Variants in AGMO observed in about 807,000 individuals in gnomAD.
The protein encoded by AGMO is glyceryl-ether monooxygenase.
A neutral mutation model predicts 60.2 loss-of-function variants in AGMO; 75 were observed. The observed-to-expected ratio is 1.25, with a 90% CI of 1.03 to 1.51. The LOEUF is 1.51. AGMO is among the 40% of genes most tolerant of loss of function. The probability of loss-of-function intolerance (pLI) is 0.00; values close to 1 mark genes in which losing one functional copy is unlikely to be tolerated. For synonymous variants in AGMO, 261 were observed against 177.1 expected, an observed-to-expected ratio of 1.47 and a Z score of -3.76; for missense variants, 763 against 525.5, an observed-to-expected ratio of 1.45 and a Z score of -4.42.
At chr7:15,237,193 T>C (rs2128501469) in intron 12 of AGMO, among the ~76,000 whole-genome samples, 1 of 152,228 alleles carries the variant, frequency 6.6e-6, no homozygotes, top group East Asian at 1.9e-4. Context: ...GGAAGCAGAT[T>C]CCAGAAGCAG....
intron 12 of AGMO, among the ~76,000 whole-genome samples, chr7:15,340,874 G>A (rs910130413): frequency 6.6e-6 from 1 of 152,132 alleles, no homozygotes; most frequent in African/African-American, 2.4e-5. Flanking sequence ...TGTGAGAAGA[G>A]GGCCACCGTT....
the AGMO span, among the ~76,000 whole-genome samples, chr7:15,194,715 T>C: frequency 1.3e-5 from 2 of 152,260 alleles, no homozygotes. Flanking sequence ...GAGTTATTAA[T>C]TTGGTGGGGA....
At chr7:15,393,797 A>C (rs1428369786) in intron 6 of AGMO, among the ~76,000 whole-genome samples, 1 of 152,180 alleles carries the variant, frequency 6.6e-6, no homozygotes, top group Non-Finnish European at 1.5e-5. Flanking sequence ...CCTTTGACAG[A>C]ATCCTTTAAA....
chr7:15,352,590 C>G (rs1482935602), intron 12 of AGMO, among the ~76,000 whole-genome samples: 1 of 151,730 alleles, frequency 6.6e-6, no homozygotes, highest in Non-Finnish European at 1.5e-5. Flanking sequence ...GGCAATTTTA[C>G]GGTCAATTGG....
In AGMO at chr7:15,410,401, A is replaced by T. The variant is rs147717977; in HGVS notation, c.609+8157T>A. 2.2e-4 allele frequency among the ~76,000 whole-genome samples: 33 copies of T among 151,916 alleles called. No individual in the cohort carries two copies. The East Asian group carries it at 5.8e-3, about 27-fold the overall frequency. ...AGATCAAAAAATAAATAACAAAAAA[A>T]CCCTAAACAATGTACTTTATGATTA... is the stretch of plus-strand genomic sequence containing the variant. On this transcript the variant is annotated intron_variant, in intron 5 of 12. Coordinates refer to ENST00000342526, the MANE Select transcript of AGMO (RefSeq NM_001004320.2).
intron 12 of AGMO, among the ~76,000 whole-genome samples, chr7:15,320,276 A>T (rs1277226022): frequency 1.3e-5 from 2 of 149,566 alleles, no homozygotes; most frequent in African/African-American, 5.1e-5. Context: ...ATATACACAT[A>T]AAATAAATAA....
intron 10 of AGMO, among the ~76,000 whole-genome samples, chr7:15,384,014 C>A (rs7808363): frequency 0.14 from 21,688 of 152,058 alleles, 1,712 homozygotes; most frequent in African/African-American, 0.19. Flanking sequence ...CGGCTCACTG[C>A]AAGCTCTGCC....
intron 3 of AGMO, among the ~76,000 whole-genome samples, chr7:15,447,503 G>A (rs1454525641): frequency 6.6e-6 from 1 of 152,152 alleles, no homozygotes; most frequent in Non-Finnish European, 1.5e-5. Flanking sequence ...TTCAGAAGCT[G>A]TGTGACCATG....
At chr7:15,309,730 T>G (rs773033550) in intron 12 of AGMO, among the ~76,000 whole-genome samples, 25 of 152,146 alleles carry the variant, frequency 1.6e-4, no homozygotes, top group Non-Finnish European at 3.4e-4. Context: ...ATTATTATAT[T>G]TATTCCTCAT....
chr7:15,357,467 G>C (rs912984408), intron 12 of AGMO, among the ~76,000 whole-genome samples: 1 of 152,050 alleles, frequency 6.6e-6, no homozygotes, highest in Non-Finnish European at 1.5e-5. Context: ...ATAAATTTAT[G>C]TGTGCCCTTT....
intron 12 of AGMO, among the ~76,000 whole-genome samples, chr7:15,363,974 A>G (rs943601954): frequency 6.6e-6 from 1 of 152,004 alleles, no homozygotes; most frequent in Non-Finnish European, 1.5e-5. Flanking sequence ...TTAAATATGT[A>G]TAATTTATGA....
chr7:15,337,590 G>T (rs892770748), intron 12 of AGMO, among the ~76,000 whole-genome samples: 2 of 152,168 alleles, frequency 1.3e-5, no homozygotes, highest in African/African-American at 4.8e-5. Flanking sequence ...CATATGTAGA[G>T]AAGAGGTCAT....
chr7:15,322,543 T>C (rs183940904), intron 12 of AGMO, among the ~76,000 whole-genome samples: 5 of 56,366 alleles, frequency 8.9e-5, no homozygotes, highest in Non-Finnish European at 1.5e-4. Flanking sequence ...TAAATATATA[T>C]ATAAATATAT....
intron 3 of AGMO, among the ~76,000 whole-genome samples, chr7:15,448,942 A>G (rs576697506): frequency 1.9e-4 from 29 of 152,306 alleles, no homozygotes; most frequent in African/African-American, 6.3e-4. Context: ...AATTGTAGAA[A>G]TGACTTTTCA....
intron 10 of AGMO, among the ~76,000 whole-genome samples, chr7:15,383,801 C>A (rs1033496382): frequency 2.0e-5 from 3 of 151,642 alleles, no homozygotes; most frequent in African/African-American, 7.3e-5. Flanking sequence ...GGTTTTTTTC[C>A]CGGATTGTTG....
intron 3 of AGMO, among the ~76,000 whole-genome samples, chr7:15,451,083 C>T (rs1225449508): frequency 6.6e-6 from 1 of 151,596 alleles, no homozygotes; most frequent in Non-Finnish European, 1.5e-5. Context: ...AAAAAATTAG[C>T]AGAAGACATT....
chr7:15,431,311 T>C (rs1461656367), intron 3 of AGMO, among the ~76,000 whole-genome samples: 4 of 151,822 alleles, frequency 2.6e-5, no homozygotes, highest in African/African-American at 9.7e-5. Context: ...TAAATAAAAA[T>C]GAAAGCATAG....
At chr7:15,463,338 A>T (rs1331907737) in intron 3 of AGMO, among the ~76,000 whole-genome samples, 1 of 152,052 alleles carries the variant, frequency 6.6e-6, no homozygotes, top group Non-Finnish European at 1.5e-5. Context: ...TACTTCTCTC[A>T]TTTTCCTACT....
the AGMO span, among the ~76,000 whole-genome samples, chr7:15,168,611 C>G: frequency 7.7e-4 from 118 of 152,270 alleles, no homozygotes; most frequent in African/African-American, 2.3e-3. Context: ...TAATAACATA[C>G]GAGAAAGAAA....
Sources: gnomAD v4.1 joint callset for allele counts (sites outside exome capture counted in the v4.1 genomes callset) on GRCh38, gnomAD v4.1.1 for gene constraint, MANE v1.5 for transcripts, NCBI Gene and HGNC (gene_info 2026-07-23, HGNC 2026-07-21) for gene names.